The following RNF180 variants were observed in gnomAD, a reference collection of about 807,000 sequenced individuals.
RNF180 encodes E3 ubiquitin-protein ligase RNF180.
A neutral mutation model predicts 59.2 loss-of-function variants in RNF180; 38 were observed. That is an observed-to-expected ratio of 0.64 (90% CI 0.50 to 0.84). The LOEUF (loss-of-function observed/expected upper bound fraction) is 0.84. Among genes scored for constraint, RNF180 ranks in the 40% least tolerant of loss-of-function variants. The probability of loss-of-function intolerance (pLI) is 0.00; values close to 1 mark genes in which losing one functional copy is unlikely to be tolerated. For synonymous variants in RNF180, 262 were observed against 240.3 expected (o/e 1.09, Z -0.84); for missense variants, 705 against 700.9 (o/e 1.01, Z -0.07).
intron 5 of RNF180, among the ~76,000 whole-genome samples, chr5:64,232,778 C>T (rs535711954): frequency 1.3e-5 from 2 of 152,178 alleles, no homozygotes; most frequent in Admixed American, 6.5e-5. Context: ...TACTGTGTGC[C>T]AGGTACTGCT....
chr5:64,250,937 A>G (rs983468285), intron 5 of RNF180, among the ~76,000 whole-genome samples: 1 of 152,208 alleles, frequency 6.6e-6, no homozygotes, highest in Non-Finnish European at 1.5e-5. Flanking sequence ...AAAGCTGACG[A>G]ACATAGATGC....
intron 5 of RNF180, among the ~76,000 whole-genome samples, chr5:64,255,506 A>G (rs1285462959): frequency 1.3e-5 from 2 of 152,126 alleles, no homozygotes; most frequent in Non-Finnish European, 2.9e-5. Context: ...AGCTTCATCC[A>G]TGTCCCTACT....
chr5:64,285,806 C>G (rs1742253835), intron 5 of RNF180, among the ~76,000 whole-genome samples: 1 of 152,158 alleles, frequency 6.6e-6, no homozygotes, highest in African/African-American at 2.4e-5. Flanking sequence ...CATGGTGAGC[C>G]TTGGGGAAGG....
chr5:64,190,864 A>G (rs1460516815), intron 1 of RNF180, among the ~76,000 whole-genome samples: 1 of 152,222 alleles, frequency 6.6e-6, no homozygotes, highest in Non-Finnish European at 1.5e-5. Context: ...TCCAGCATTC[A>G]GAGCTGTGAG....
chr5:64,286,907 G>A (rs1395892390), intron 5 of RNF180, among the ~76,000 whole-genome samples: 6 of 152,116 alleles, frequency 3.9e-5, no homozygotes, highest in African/African-American at 1.4e-4. Flanking sequence ...CAAACTGGAA[G>A]GGGAAATTAG....
At chr5:64,340,770 T>C (rs1219281024) in intron 7 of RNF180, among the ~76,000 whole-genome samples, 2 of 152,242 alleles carry the variant, frequency 1.3e-5, no homozygotes, top group African/African-American at 4.8e-5. Context: ...AGTTTACTTA[T>C]GAGTTTAGAA....
intron 1 of RNF180, among the ~76,000 whole-genome samples, chr5:64,185,422 A>G (rs2111971509): frequency 6.6e-6 from 1 of 152,302 alleles, no homozygotes; most frequent in Middle Eastern, 3.4e-3. Flanking sequence ...AGAGTTTACT[A>G]GGGAAAGGGC....
intron 5 of RNF180, among the ~76,000 whole-genome samples, chr5:64,239,776 C>T (rs1742689221): frequency 6.6e-6 from 1 of 152,060 alleles, no homozygotes; most frequent in South Asian, 2.1e-4. Context: ...TAAACATTAC[C>T]TTCATCTGAA....
At chr5:64,178,436 G>A (rs1341843134) in intron 1 of RNF180, among the ~76,000 whole-genome samples, 1 of 152,118 alleles carries the variant, frequency 6.6e-6, no homozygotes, top group Admixed American at 6.5e-5. Flanking sequence ...AGTTAAGAAG[G>A]TAAAGAGTAG....
rs928325829 is a variant in RNF180 at position 64,173,231 on chromosome 5, C to T, written c.-1+7278C>T. ...AGCCAAAGTAGAAACCACCCAATAA[C>T]ATTTAAATGAGAATAATTTTACATA... On this transcript the variant is annotated intron_variant, in intron 1 of 7. Transcript: ENST00000389100. 8.5e-5 allele frequency among the ~76,000 whole-genome samples: 13 copies of T among 152,260 alleles called. No homozygotes were observed. In the South Asian group the frequency reaches 1.0e-3, roughly 12 times the overall value.
At chr5:64,215,603 A>G (rs1390940900) in intron 4 of RNF180, among the ~76,000 whole-genome samples, 7 of 152,174 alleles carry the variant, frequency 4.6e-5, no homozygotes, top group Non-Finnish European at 1.0e-4. Flanking sequence ...ATATTACAGA[A>G]TGTAAAAAAT....
At chr5:64,243,892 G>A (rs1417827628) in intron 5 of RNF180, among the ~76,000 whole-genome samples, 1 of 152,170 alleles carries the variant, frequency 6.6e-6, no homozygotes, top group East Asian at 1.9e-4. Flanking sequence ...CCAGAGAAAG[G>A]AACAGGCAGC....
At chr5:64,238,110 T>TGGC (rs1394664637) in intron 5 of RNF180, among the ~76,000 whole-genome samples, 2 of 152,246 alleles carry the variant, frequency 1.3e-5, no homozygotes, top group African/African-American at 4.8e-5. Context: ...TTTCCATGAC[T>TGGC]GGCTTATTCA....
At chr5:64,328,400 C>T (rs963003104) in intron 6 of RNF180, among the ~76,000 whole-genome samples, 6 of 152,182 alleles carry the variant, frequency 3.9e-5, no homozygotes, top group African/African-American at 1.4e-4. Flanking sequence ...CACTAAAGGG[C>T]TATAACTGGG....
chr5:64,193,098 C>T (rs1315617746), intron 1 of RNF180, among the ~76,000 whole-genome samples: 1 of 151,470 alleles, frequency 6.6e-6, no homozygotes, highest in Admixed American at 6.6e-5. Context: ...CTCATAGATG[C>T]AGGGAATAGA....
At position 64,212,113 on chromosome 5, in the gene RNF180, A is replaced by G. The variant is rs752910711; in HGVS notation, c.184A>G (p.Met62Val). 7.5e-6 allele frequency: 12 copies of G among 1,608,542 alleles called. No homozygotes were observed. The highest frequency in any genetic ancestry group is 9.4e-6 in the Non-Finnish European group (11 of 1,175,250). ...TCAAAATATTTGTCATGTGTGGCAC[A>G]TGAATGTAGAAGCCCTTCCAGAATG... ...DAQNICHVWH[M>V]NVEALPEWIS... The change falls in exon 3 of 8, where the codon ATG (methionine) becomes GTG (valine). Residue 62 changes from methionine to valine, a missense_variant. Physicochemically the swap from Met to Val is conservative, Grantham distance 21. Transcript: ENST00000389100.
At chr5:64,251,784 C>G (rs1743595235) in intron 5 of RNF180, among the ~76,000 whole-genome samples, 1 of 152,062 alleles carries the variant, frequency 6.6e-6, no homozygotes, top group Non-Finnish European at 1.5e-5. Flanking sequence ...CATTTAAAAA[C>G]TAGCATTTCT....
intron 1 of RNF180, among the ~76,000 whole-genome samples, chr5:64,193,271 G>C (rs1297278934): frequency 6.6e-6 from 1 of 152,002 alleles, no homozygotes; most frequent in Non-Finnish European, 1.5e-5. Context: ...TAAGAGGATA[G>C]ATTTCATTTT....
chr5:64,296,657 CAA>C (rs57855322), intron 5 of RNF180, among the ~76,000 whole-genome samples: 15 of 142,028 alleles, frequency 1.1e-4, no homozygotes, highest in Admixed American at 1.4e-4. Context: ...TTCCTAGGGT[CAA>C]AAAAAAAAAA....
Sources: allele counts gnomAD v4.1 joint callset (sites outside exome capture counted in the v4.1 genomes callset), GRCh38; gene constraint gnomAD v4.1.1; transcripts MANE v1.5; gene names NCBI Gene and HGNC (gene_info 2026-07-23, HGNC 2026-07-21).